The following ATL3 variants were observed in gnomAD, a reference collection of about 807,000 sequenced individuals.
ATL3 encodes the protein atlastin GTPase 3, also known as atlastin-3.
In ATL3, 49 loss-of-function variants were observed where a neutral mutation model predicts 69.5. The observed-to-expected ratio is 0.71, with a 90% CI of 0.56 to 0.89. The LOEUF (loss-of-function observed/expected upper bound fraction) is 0.89. Ranked by LOEUF, ATL3 falls within the 40% of genes least tolerant of loss-of-function variation. ATL3 has a pLI of 0.00. For synonymous variants in ATL3, 214 were observed against 224.1 expected, an observed-to-expected ratio of 0.95 and a Z score of 0.40; for missense variants, 606 against 645.7, an observed-to-expected ratio of 0.94 and a Z score of 0.67.
intron 11 of ATL3, chr11:63,632,688 GC>G: frequency 7.9e-7 from 1 of 1,261,210 alleles, no homozygotes; most frequent in Non-Finnish European, 1.2e-6. Context: ...ATTTTTATGT[GC>G]CAGCCTTAAT....
intron 1 of ATL3, among the ~76,000 whole-genome samples, chr11:63,660,297 G>A (rs943283433): frequency 6.6e-6 from 1 of 152,040 alleles, no homozygotes; most frequent in Non-Finnish European, 1.5e-5. Flanking sequence ...GTAAGAAAAA[G>A]ATATACAAAT....
chr11:63,654,364 C>G (rs1940175599), intron 3 of ATL3, among the ~76,000 whole-genome samples: 1 of 151,916 alleles, frequency 6.6e-6, no homozygotes, highest in Non-Finnish European at 1.5e-5. Flanking sequence ...CCAGGATGGT[C>G]TCGATCTCCT....
chr11:63,643,282 C>T lies in ATL3; in HGVS notation c.850+75G>A, dbSNP rs1261223712. On this transcript the variant is annotated intron_variant, in intron 8 of 12. Transcript: ENST00000398868. ...GCATACCATTTTTCTTAAGCATTCACTTGATTTGTAAGTGATTCATTATTT... is the reference window on the plus strand; with the variant it reads ...GCATACCATTTTTCTTAAGCATTCATTTGATTTGTAAGTGATTCATTATTT... The T allele has an allele frequency of 2.1e-6, 3 of 1,442,918 alleles. No individual in the cohort carries two copies. The Admixed American group carries it at 6.7e-5, about 32-fold the overall frequency. The allele number at this position is 1,442,918 out of a possible 1,614,324, so 89.4% of individuals were successfully genotyped here. A position where few individuals can be genotyped will look rare whatever the true frequency, so the allele number is the denominator to read the frequency against.
chr11:63,648,151 A>G (rs1411738360), intron 5 of ATL3, among the ~76,000 whole-genome samples: 1 of 152,208 alleles, frequency 6.6e-6, no homozygotes, highest in East Asian at 1.9e-4. Flanking sequence ...CTAGACTTAG[A>G]TACCAAACTC....
In ATL3 at chr11:63,643,408, G is replaced by A. The variant is rs1939761942; in HGVS notation, c.799C>T (p.His267Tyr). Residue 267 changes from histidine (H) to tyrosine (Y), a missense_variant, in exon 8 of 13, where the codon CAT becomes TAT. His to Tyr is a moderately conservative substitution (Grantham distance 83, BLOSUM62 2). Transcript: ENST00000398868. ...FSDVTCFLLP[H>Y]PGLQVATSPD... ...CTTGTGGCCACCTGGAGTCCTGGAT[G>A]TGGTAAGAGAAAGCAGGTGACATCG... 1.2e-6 allele frequency: 2 copies of A among 1,610,814 alleles called. No homozygotes were observed. Among genetic ancestry groups the A allele is most frequent in the African/African-American group, 1.3e-5 (1 of 74,828 alleles).
In ATL3 at chr11:63,631,184, A is replaced by G. The variant is rs372301898; in HGVS notation, c.1395T>C (p.Gly465=). The change falls in exon 12 of 13, where the codon GGT becomes GGC. Residue 465 remains glycine, a synonymous_variant. Coordinates refer to ENST00000398868, the MANE Select transcript of ATL3 (RefSeq NM_015459.5). ...YIASGLTGFI[G]LEVVAQLFNC... ...TGAACAACTGGGCTACAACCTCAAG[A>G]CCTATGAAGCCAGTGAGGCCTGAGG... 55 of 1,614,142 alleles carry G rather than the reference A, an allele frequency of 3.4e-5. No homozygotes were observed. Among genetic ancestry groups the G allele is most frequent in the East Asian group, 2.5e-4 (11 of 44,886 alleles).
chr11:63,633,187 T>A, intron 10 of ATL3, 90 bp from the exon 11 acceptor site: 2 of 1,026,968 alleles, frequency 1.9e-6, no homozygotes, highest in South Asian at 1.4e-5. Context: ...CTATTCCCCA[T>A]TCTTCCTTTT....
chr11:63,651,265 A>G (rs941391261), intron 5 of ATL3, among the ~76,000 whole-genome samples: 1 of 152,084 alleles, frequency 6.6e-6, no homozygotes, highest in Admixed American at 6.6e-5. Context: ...GACCAGCCGG[A>G]CCGACATGGT....
intron 8 of ATL3, among the ~76,000 whole-genome samples, chr11:63,641,287 G>A (rs899794510): frequency 4.6e-5 from 7 of 152,090 alleles, no homozygotes; most frequent in African/African-American, 1.4e-4. Context: ...AACTTGACAC[G>A]CTTAATATTT....
At chr11:63,670,821 T>C (rs1282965777) in intron 1 of ATL3, among the ~76,000 whole-genome samples, 1 of 152,168 alleles carries the variant, frequency 6.6e-6, no homozygotes, top group Non-Finnish European at 1.5e-5. Flanking sequence ...AAACCAGCAT[T>C]CACCTTCCCG....
At chr11:63,663,758 A>G (rs1940492148) in intron 1 of ATL3, among the ~76,000 whole-genome samples, 1 of 152,210 alleles carries the variant, frequency 6.6e-6, no homozygotes. Flanking sequence ...TGTGGCAGAG[A>G]TGTCTGGTTG....
intron 8 of ATL3, among the ~76,000 whole-genome samples, chr11:63,638,046 T>A (rs1047079322): frequency 6.6e-6 from 1 of 152,180 alleles, no homozygotes; most frequent in African/African-American, 2.4e-5. Context: ...TCAATTTCCA[T>A]CACACTGAAA....
intron 3 of ATL3, among the ~76,000 whole-genome samples, chr11:63,656,279 T>C (rs573921496): frequency 2.0e-5 from 3 of 151,054 alleles, no homozygotes; most frequent in Admixed American, 1.3e-4. Context: ...AAAACAGTGA[T>C]AAAATCTTAA....
intron 1 of ATL3, among the ~76,000 whole-genome samples, chr11:63,661,848 C>G (rs1250110935): frequency 6.6e-6 from 1 of 150,834 alleles, no homozygotes; most frequent in Admixed American, 6.6e-5. Context: ...GAGATTGCAC[C>G]ACTGCACTCC....
chr11:63,665,032 G>C (rs1037325795), intron 1 of ATL3, among the ~76,000 whole-genome samples: 1 of 152,154 alleles, frequency 6.6e-6, no homozygotes, highest in East Asian at 1.9e-4. Context: ...TTACAAGATG[G>C]GGTAATCCAA....
chr11:63,671,391 C>T (rs1481614140), upstream of ATL3: 3 of 1,517,396 alleles, frequency 2.0e-6, no homozygotes, highest in Admixed American at 2.2e-5. Context: ...GGGACGGGTG[C>T]GGGCGGGAAC....
chr11:63,629,513 A>AAC, intron 12 of ATL3, 108 bp from the exon 13 acceptor site: 1 of 936,744 alleles, frequency 1.1e-6, no homozygotes, highest in East Asian at 2.6e-5. Flanking sequence ...GGCATGTTAC[A>AAC]GAAAGCAGTT....
Position 63,625,945 on chromosome 11 carries a change from G to C in ATL3, c.*3374C>G, listed in dbSNP as rs1282838500. 2 of 151,880 alleles carry C rather than the reference G, an allele frequency of 1.3e-5. No homozygotes were observed. Among genetic ancestry groups the C allele is most frequent in the African/African-American group, 4.8e-5 (2 of 41,294 alleles). 9.4% of individuals were successfully genotyped at this position (151,880 alleles called of 1,614,324 possible). ...TGTAGTGAGCCAAGATTGCGCCACT[G>C]CACTTCAGCCTGGGTGACAGTACAA... is the stretch of plus-strand genomic sequence containing the variant. On this transcript the variant is annotated 3_prime_UTR_variant, in exon 13 of 13. Coordinates refer to ENST00000398868, the MANE Select transcript of ATL3 (RefSeq NM_015459.5).
At chr11:63,671,587 G>A, upstream of ATL3, 1 of 1,429,928 alleles carries the variant, frequency 7.0e-7, no homozygotes, top group Non-Finnish European at 9.2e-7. Flanking sequence ...GCACGCGGCA[G>A]AATCCCGCCA....
Sources: gnomAD v4.1 joint callset for allele counts (sites outside exome capture counted in the v4.1 genomes callset) on GRCh38, gnomAD v4.1.1 for gene constraint, MANE v1.5 for transcripts, NCBI Gene and HGNC (gene_info 2026-07-23, HGNC 2026-07-21) for gene names.